Variants in LRBA observed in about 807,000 individuals in gnomAD.
LRBA encodes the protein lipopolysaccharide-responsive and beige-like anchor protein.
In LRBA, 176 loss-of-function variants were observed where a neutral mutation model predicts 330.0. That is an observed-to-expected ratio of 0.53 (90% CI 0.47 to 0.60). The LOEUF (loss-of-function observed/expected upper bound fraction) is 0.60. Ranked by LOEUF, LRBA falls within the 20% of genes least tolerant of loss-of-function variation. LRBA has a pLI of 0.00. For synonymous variants in LRBA, 1,230 were observed against 1,193.0 expected (o/e 1.03, Z -0.64); for missense variants, 3,259 against 3,444.8 (o/e 0.95, Z 1.35).
At chr4:150,825,406 G>A (rs2126799816) in intron 30 of LRBA, among the ~76,000 whole-genome samples, 1 of 151,874 alleles carries the variant, frequency 6.6e-6, no homozygotes, top group African/African-American at 2.4e-5. Context: ...TGCTCTTGTT[G>A]CCCAGGCTGG....
At chr4:150,395,969 A>G (rs1203302751) in intron 47 of LRBA, among the ~76,000 whole-genome samples, 3 of 152,116 alleles carry the variant, frequency 2.0e-5, no homozygotes, top group Admixed American at 6.6e-5. Context: ...TCCCCCGTAG[A>G]CTATTATGAT....
intron 55 of LRBA, among the ~76,000 whole-genome samples, chr4:150,281,465 G>A (rs960395754): frequency 6.6e-6 from 1 of 152,172 alleles, no homozygotes; most frequent in African/African-American, 2.4e-5. Flanking sequence ...ATATGTAGGA[G>A]CTTTGTTCCC....
At chr4:150,657,044 T>A (rs1420460982) in intron 37 of LRBA, among the ~76,000 whole-genome samples, 1 of 152,194 alleles carries the variant, frequency 6.6e-6, no homozygotes, top group Non-Finnish European at 1.5e-5. Context: ...AGTGGAGGAA[T>A]CTCTACTCAC....
chr4:150,947,976 T>C (rs551634198), intron 2 of LRBA, among the ~76,000 whole-genome samples: 4 of 151,940 alleles, frequency 2.6e-5, no homozygotes, highest in Non-Finnish European at 2.9e-5. Context: ...AAAACAATAA[T>C]ATGATGATGA....
At chr4:150,584,014 G>A in intron 40 of LRBA, 1 of 1,614,006 alleles carries the variant, frequency 6.2e-7, no homozygotes, top group Non-Finnish European at 8.5e-7. Flanking sequence ...CCTCTTTCAG[G>A]GCAAGCCCCA....
intron 17 of LRBA, among the ~76,000 whole-genome samples, chr4:150,881,490 G>T (rs368574343): frequency 6.6e-6 from 1 of 151,982 alleles, no homozygotes; most frequent in South Asian, 2.1e-4. Flanking sequence ...CATAAAAATG[G>T]CAATAATAGA....
chr4:150,550,348 T>C (rs1237330024), intron 40 of LRBA, among the ~76,000 whole-genome samples: 1 of 152,098 alleles, frequency 6.6e-6, no homozygotes, highest in African/African-American at 2.4e-5. Context: ...GAATTTTACA[T>C]TTAAAAAAGA....
chr4:150,685,388 A>ATATATATC (rs1783457853), intron 36 of LRBA, among the ~76,000 whole-genome samples: 1 of 8,040 alleles, frequency 1.2e-4, no homozygotes, highest in Non-Finnish European at 2.2e-4. Flanking sequence ...AAGGAATCAA[A>ATATATATC]TATATATATA....
At chr4:150,890,939 AC>A (rs1431810275) in intron 17 of LRBA, among the ~76,000 whole-genome samples, 1 of 152,152 alleles carries the variant, frequency 6.6e-6, no homozygotes, top group Non-Finnish European at 1.5e-5. Flanking sequence ...AAAATCCTAT[AC>A]AGTAAATCAC....
At chr4:150,555,555 C>G (rs1481027503) in intron 40 of LRBA, among the ~76,000 whole-genome samples, 2 of 152,138 alleles carry the variant, frequency 1.3e-5, no homozygotes, top group Admixed American at 6.5e-5. Context: ...TCGAGACCAT[C>G]CTGGCCAACA....
chr4:150,417,734 T>C (rs1023857736), intron 46 of LRBA, among the ~76,000 whole-genome samples: 2 of 152,142 alleles, frequency 1.3e-5, no homozygotes, highest in Admixed American at 6.5e-5. Flanking sequence ...CCATTGTAAA[T>C]TAGAGATGCA....
chr4:150,698,168 CAT>C (rs977779634), intron 36 of LRBA, among the ~76,000 whole-genome samples: 4 of 152,140 alleles, frequency 2.6e-5, no homozygotes, highest in South Asian at 4.2e-4. Flanking sequence ...TCTAAGTGCA[CAT>C]GAGAAAAGTC....
chr4:150,452,065 A>G (rs1234143171), intron 44 of LRBA, among the ~76,000 whole-genome samples: 2 of 152,198 alleles, frequency 1.3e-5, no homozygotes. Context: ...AACAACTTCA[A>G]AACTCATTTT....
chr4:150,566,223 A>T (rs927153482), intron 40 of LRBA, among the ~76,000 whole-genome samples: 1 of 152,176 alleles, frequency 6.6e-6, no homozygotes, highest in African/African-American at 2.4e-5. Context: ...CATGTCTCTA[A>T]AAAAATAAAA....
chr4:150,864,974 T>C (rs1752494992), intron 22 of LRBA, among the ~76,000 whole-genome samples: 1 of 152,108 alleles, frequency 6.6e-6, no homozygotes, highest in Non-Finnish European at 1.5e-5. Flanking sequence ...TTAACAACGA[T>C]TGCTTTAAAG....
intron 36 of LRBA, among the ~76,000 whole-genome samples, chr4:150,711,462 T>C (rs1003150681): frequency 6.6e-6 from 1 of 152,112 alleles, no homozygotes; most frequent in Non-Finnish European, 1.5e-5. Flanking sequence ...GGTCTCGAAC[T>C]CCTGATCTCA....
chr4:150,982,100 CA>C, intron 2 of LRBA, among the ~76,000 whole-genome samples: 1 of 151,656 alleles, frequency 6.6e-6, no homozygotes, highest in African/African-American at 2.4e-5. Context: ...CAGGCCAAAA[CA>C]CATCAAGTTT....
chr4:150,989,932 T>G (rs908659363), intron 2 of LRBA, among the ~76,000 whole-genome samples: 4 of 152,142 alleles, frequency 2.6e-5, no homozygotes, highest in African/African-American at 9.6e-5. Context: ...GAGACCAGCC[T>G]GGGCAACATA....
intron 17 of LRBA, among the ~76,000 whole-genome samples, chr4:150,888,352 C>G (rs1468817641): frequency 6.6e-6 from 1 of 152,080 alleles, no homozygotes; most frequent in African/African-American, 2.4e-5. Flanking sequence ...ACTGTAAATA[C>G]CTGGATAAAA....
Sources: gnomAD v4.1 joint callset for allele counts (sites outside exome capture counted in the v4.1 genomes callset) on GRCh38, gnomAD v4.1.1 for gene constraint, MANE v1.5 for transcripts, NCBI Gene and HGNC (gene_info 2026-07-23, HGNC 2026-07-21) for gene names.